Variants in ZHX3 observed in about 807,000 individuals in gnomAD.
ZHX3 encodes the protein zinc fingers and homeoboxes 3.
In ZHX3, 20 loss-of-function variants were observed where a neutral mutation model predicts 64.5. That is an observed-to-expected ratio of 0.31 (90% CI 0.22 to 0.45). ZHX3 has a LOEUF of 0.45. ZHX3 is among the 20% of genes least tolerant of loss of function. The pLI is 1.00. For synonymous variants in ZHX3, 423 were observed against 461.6 expected (o/e 0.92, Z 1.07); for missense variants, 1,041 against 1,195.8 (o/e 0.87, Z 1.91).
chr20:41,216,865 G>T (rs2039569237), intron 2 of ZHX3, among the ~76,000 whole-genome samples: 1 of 152,088 alleles, frequency 6.6e-6, no homozygotes, highest in Non-Finnish European at 1.5e-5. Flanking sequence ...GCATATTCTT[G>T]CTATTTTCAG....
chr20:41,231,438 T>C (rs1460450293), intron 2 of ZHX3, among the ~76,000 whole-genome samples: 1 of 152,238 alleles, frequency 6.6e-6, no homozygotes, highest in Non-Finnish European at 1.5e-5. Flanking sequence ...GAGTTTTCTT[T>C]AACCCCCTCC....
chr20:41,266,626 AGCTCC>A (rs2042865687), intron 2 of ZHX3, among the ~76,000 whole-genome samples: 1 of 150,666 alleles, frequency 6.6e-6, no homozygotes, highest in African/African-American at 2.4e-5. Flanking sequence ...GCTCACTGCA[AGCTCC>A]GCCCCCCAGG....
intron 2 of ZHX3, among the ~76,000 whole-genome samples, chr20:41,234,657 G>A (rs777954856): frequency 4.6e-5 from 7 of 152,340 alleles, no homozygotes; most frequent in South Asian, 4.1e-4. Flanking sequence ...AACCCAACCC[G>A]ATTACAGTGT....
intron 1 of ZHX3, chr20:41,269,524 C>T (rs1407627154): frequency 6.6e-6 from 1 of 152,076 alleles, no homozygotes; most frequent in African/African-American, 2.4e-5. Context: ...GAGTTCCAGG[C>T]CAAGGAACTG....
rs2235364 is a variant in ZHX3 at position 41,179,410 on chromosome 20, C to G, written c.*5781G>C. 6,649 of 152,116 alleles carry G rather than the reference C, an allele frequency of 0.044. 758 individuals are homozygous for G. In the East Asian group the frequency reaches 0.48, roughly 11 times the overall value. 9.4% of individuals were successfully genotyped at this position (152,116 alleles called of 1,614,324 possible). The stretch of plus-strand genomic sequence containing the variant: ...TCTCATGTGGGGCTCTGGCCCTGTT[C>G]CAAGCAAACTGCAAGAACGAGACCA... On this transcript the variant is annotated 3_prime_UTR_variant, in exon 4 of 4. Coordinates refer to ENST00000683867, the MANE Select transcript of ZHX3 (RefSeq NM_001384317.1). The surrounding 1 kb of genome is among the most constrained non-coding windows in gnomAD (Gnocchi z 4.3).
chr20:41,216,112 T>C (rs1309504049), intron 2 of ZHX3, among the ~76,000 whole-genome samples: 1 of 152,188 alleles, frequency 6.6e-6, no homozygotes, highest in Non-Finnish European at 1.5e-5. Flanking sequence ...GAATATAGTC[T>C]TGAGTATTCT....
intron 3 of ZHX3, among the ~76,000 whole-genome samples, chr20:41,196,443 T>TA (rs1568796711): frequency 1.8e-5 from 1 of 54,262 alleles, no homozygotes; most frequent in East Asian, 9.5e-4. Context: ...AATATATATA[T>TA]TATATATAAT....
intron 1 of ZHX3, chr20:41,269,327 T>C (rs2043012582): frequency 6.6e-6 from 1 of 152,218 alleles, no homozygotes; most frequent in African/African-American, 2.4e-5. Context: ...ACAAAATCTG[T>C]AATTTTAACG....
At chr20:41,313,593 C>CTTTTTTTTT (rs58599783) in intron 1 of ZHX3, among the ~76,000 whole-genome samples, 2 of 103,774 alleles carry the variant, frequency 1.9e-5, no homozygotes, top group African/African-American at 4.0e-5. Context: ...ACTTTTAGGC[C>CTTTTTTTTT]TTTTTTTTTT....
At chr20:41,209,414 G>A (rs1053605701) in intron 2 of ZHX3, among the ~76,000 whole-genome samples, 8 of 152,174 alleles carry the variant, frequency 5.3e-5, no homozygotes, top group Admixed American at 2.0e-4. Flanking sequence ...AAACTTGGAG[G>A]CATCATGCTA....
intron 1 of ZHX3, among the ~76,000 whole-genome samples, chr20:41,279,032 C>G (rs1054934710): frequency 6.6e-6 from 1 of 152,174 alleles, no homozygotes; most frequent in African/African-American, 2.4e-5. Context: ...CCACCTCGGC[C>G]TCTCAAAGTT....
chr20:41,234,764 CTT>C (rs1276488852), intron 2 of ZHX3, among the ~76,000 whole-genome samples: 1 of 152,226 alleles, frequency 6.6e-6, no homozygotes, highest in East Asian at 1.9e-4. Context: ...GCAGCATAGT[CTT>C]AGAATAAGGG....
In ZHX3 at chr20:41,180,884, C is replaced by T. The variant is rs1033644359; in HGVS notation, c.*4307G>A. 1 of 152,262 alleles carries T rather than the reference C, an allele frequency of 6.6e-6. No homozygotes were observed. Among genetic ancestry groups the T allele is most frequent in the Non-Finnish European group, 1.5e-5 (1 of 68,076 alleles). The allele number at this position is 152,262 out of a possible 1,614,324, so 9.4% of individuals were successfully genotyped here. On this transcript the variant is annotated 3_prime_UTR_variant, in exon 4 of 4. Coordinates refer to ENST00000683867, the MANE Select transcript of ZHX3 (RefSeq NM_001384317.1). ...GCATGGCCCAACCATGTCCCTGCCGCCCCACTTAAATGGCCAGAGAAAACT... is the reference window on the plus strand; with the variant it reads ...GCATGGCCCAACCATGTCCCTGCCGTCCCACTTAAATGGCCAGAGAAAACT...
In ZHX3 at chr20:41,278,460, G is replaced by A. The variant is rs1282648344; in HGVS notation, c.-244-9377C>T. Among the ~76,000 whole-genome samples, 10 of 140,820 alleles carry A rather than the reference G, an allele frequency of 7.1e-5. 2 individuals are homozygous for A. The highest frequency in any genetic ancestry group is 1.6e-4 in the Non-Finnish European group (10 of 64,312). The allele number at this position is 140,820 out of a possible 152,430, so 92.4% of individuals were successfully genotyped here. On this transcript the variant is annotated intron_variant, in intron 1 of 3. Coordinates refer to ENST00000683867, the MANE Select transcript of ZHX3 (RefSeq NM_001384317.1). ...GCACATGCACAATTTTAACCATACT[G>A]GGATCATACTGCACATATTGGTATT... is the stretch of plus-strand genomic sequence containing the variant.
intron 2 of ZHX3, among the ~76,000 whole-genome samples, chr20:41,238,978 C>T (rs2041195211): frequency 6.8e-6 from 1 of 146,692 alleles, no homozygotes; most frequent in Non-Finnish European, 1.5e-5. Flanking sequence ...AAAACAAGGG[C>T]CTATTTTCTC....
chr20:41,194,725 T>C (rs545184209), intron 3 of ZHX3, among the ~76,000 whole-genome samples: 4 of 152,344 alleles, frequency 2.6e-5, no homozygotes, highest in Admixed American at 6.5e-5. Flanking sequence ...ATAACAATCT[T>C]CTTACCAGTT....
Position 41,195,885 on chromosome 20 carries a change from C to T in ZHX3, c.2860+6172G>A, listed in dbSNP as rs1215438522. Among the ~76,000 whole-genome samples the T allele has an allele frequency of 1.3e-5, 2 of 151,962 alleles. No homozygotes were observed. Among genetic ancestry groups the T allele is most frequent in the Admixed American group, 1.3e-4 (2 of 15,256 alleles). ...AGTTTTTAAATAGTGTGTTAATTTC[C>T]ACCTATTTGTGTATTTCCACTTTTT... is the stretch of plus-strand genomic sequence containing the variant. On this transcript the variant is annotated intron_variant, in intron 3 of 3. Transcript: ENST00000683867. This position sits in a 1 kb window ranked among gnomAD's most constrained non-coding sequence, Gnocchi z 4.2.
intron 1 of ZHX3, among the ~76,000 whole-genome samples, chr20:41,293,582 T>G (rs1409165862): frequency 6.6e-6 from 1 of 152,148 alleles, no homozygotes; most frequent in Non-Finnish European, 1.5e-5. Flanking sequence ...CACTTGAGTA[T>G]ACTGCTACAA....
chr20:41,189,059 G>T (rs1377833847), intron 3 of ZHX3, among the ~76,000 whole-genome samples: 1 of 152,130 alleles, frequency 6.6e-6, no homozygotes, highest in East Asian at 1.9e-4. Context: ...TTTGCTTATG[G>T]ATATCTAATT....
Sources: gnomAD v4.1 joint callset for allele counts (sites outside exome capture counted in the v4.1 genomes callset) on GRCh38, gnomAD v4.1.1 for gene constraint, Gnocchi (gnomAD v3.1) non-coding constraint, MANE v1.5 for transcripts, NCBI Gene and HGNC (gene_info 2026-07-23, HGNC 2026-07-21) for gene names.